PHACTR1: variants seen among roughly 807,000 people sequenced by gnomAD.
The protein encoded by PHACTR1 is RPEL repeat containing 1.
A neutral mutation model predicts 69.2 loss-of-function variants in PHACTR1; 16 were observed. The ratio of observed to expected loss-of-function variants is 0.23; its 90% CI spans 0.16 to 0.35. PHACTR1 has a LOEUF of 0.35. Among genes scored for constraint, PHACTR1 ranks in the 10% least tolerant of loss-of-function variants. The probability of loss-of-function intolerance (pLI) is 1.00; values close to 1 mark genes in which losing one functional copy is unlikely to be tolerated. For missense variants in PHACTR1, 510 were observed against 734.7 expected, an observed-to-expected ratio of 0.69 and a Z score of 3.54; for synonymous variants, 312 against 284.5, an observed-to-expected ratio of 1.10 and a Z score of -0.97.
At chr6:12,801,402 G>GTA (rs1292827507) in intron 4 of PHACTR1, among the ~76,000 whole-genome samples, 1 of 152,148 alleles carries the variant, frequency 6.6e-6, no homozygotes. Flanking sequence ...ACCCAACTAT[G>GTA]TATGGCTTGG....
intron 4 of PHACTR1, among the ~76,000 whole-genome samples, chr6:12,832,170 C>A (rs1777653257): frequency 1.3e-5 from 2 of 152,094 alleles, no homozygotes; most frequent in African/African-American, 4.8e-5. Flanking sequence ...AGGTGATGCT[C>A]ATCTCTATCA....
intron 4 of PHACTR1, among the ~76,000 whole-genome samples, chr6:12,945,056 A>G (rs1790525517): frequency 6.6e-6 from 1 of 152,158 alleles, no homozygotes; most frequent in Non-Finnish European, 1.5e-5. Flanking sequence ...TGCTGGGATT[A>G]CAGGCATGAG....
intron 4 of PHACTR1, among the ~76,000 whole-genome samples, chr6:12,842,048 A>T (rs1204629744): frequency 1.3e-5 from 2 of 152,204 alleles, no homozygotes; most frequent in Non-Finnish European, 2.9e-5. Flanking sequence ...ATTCATTCTA[A>T]GACAACTGTT....
intron 6 of PHACTR1, among the ~76,000 whole-genome samples, chr6:13,173,685 C>T (rs1449633369): frequency 6.6e-6 from 1 of 152,186 alleles, no homozygotes; most frequent in Non-Finnish European, 1.5e-5. Context: ...GCTTTCAGAG[C>T]TCTGCATCTT....
chr6:13,090,806 G>T (rs753346478), intron 5 of PHACTR1, among the ~76,000 whole-genome samples: 1 of 152,108 alleles, frequency 6.6e-6, no homozygotes, highest in Non-Finnish European at 1.5e-5. Context: ...CTAGGGCAGC[G>T]GTCCCAAGCC....
In PHACTR1 at chr6:13,103,754, T is replaced by C. The variant is rs541488755; in HGVS notation, c.415+50225T>C. On this transcript the variant is annotated intron_variant, in intron 5 of 14. Transcript: ENST00000332995. ...GTGATCAAGAGCAGGATCTTAACAT[T>C]GGTGCCATATTATCAACTACAGCAT... 8.3e-4 allele frequency among the ~76,000 whole-genome samples: 126 copies of C among 152,346 alleles called. 1 individual carries two copies. Among genetic ancestry groups the C allele is most frequent in the Middle Eastern group, 3.4e-3 (1 of 294 alleles).
At chr6:13,140,402 G>T (rs1167784543) in intron 5 of PHACTR1, among the ~76,000 whole-genome samples, 5 of 152,078 alleles carry the variant, frequency 3.3e-5, no homozygotes, top group African/African-American at 1.2e-4. Flanking sequence ...ATTGACAGAT[G>T]AATGGATTTT....
chr6:12,734,247 G>T (rs1276274417), intron 3 of PHACTR1, among the ~76,000 whole-genome samples: 2 of 152,168 alleles, frequency 1.3e-5, no homozygotes, highest in Non-Finnish European at 2.9e-5. Context: ...GGAAACCAAA[G>T]CTTGGAGAGC....
At chr6:13,285,872 C>T (rs746696947) in intron 13 of PHACTR1, among the ~76,000 whole-genome samples, 15 of 152,182 alleles carry the variant, frequency 9.9e-5, no homozygotes, top group Non-Finnish European at 1.5e-4. Context: ...TACACCACCA[C>T]TGATGCCTCA....
At chr6:13,052,941 T>A (rs1806173418) in intron 4 of PHACTR1, among the ~76,000 whole-genome samples, 1 of 152,174 alleles carries the variant, frequency 6.6e-6, no homozygotes, top group Admixed American at 6.5e-5. Context: ...AGTTGATAAA[T>A]GTTTTCTCCC....
At chr6:13,124,313 C>T (rs924250105) in intron 5 of PHACTR1, among the ~76,000 whole-genome samples, 3 of 152,168 alleles carry the variant, frequency 2.0e-5, no homozygotes, top group Admixed American at 1.3e-4. Context: ...GGGCTCATGT[C>T]ACTGAAGGCT....
intron 4 of PHACTR1, among the ~76,000 whole-genome samples, chr6:12,825,294 C>G (rs1013266467): frequency 6.9e-6 from 1 of 144,322 alleles, no homozygotes; most frequent in Non-Finnish European, 1.5e-5. Context: ...GCCTGGGCAA[C>G]AGAACAAAAC....
chr6:13,269,732 G>A (rs2127441070), intron 10 of PHACTR1, among the ~76,000 whole-genome samples: 1 of 152,310 alleles, frequency 6.6e-6, no homozygotes, highest in South Asian at 2.1e-4. Flanking sequence ...TACTCAGGAG[G>A]CTGAGGCAGG....
At chr6:13,256,011 A>T (rs1450905317) in intron 10 of PHACTR1, among the ~76,000 whole-genome samples, 5 of 152,210 alleles carry the variant, frequency 3.3e-5, no homozygotes, top group African/African-American at 1.2e-4. Context: ...GAGGTTCTCC[A>T]TGAGGGCTCT....
At position 13,269,704 on chromosome 6, in the gene PHACTR1, C is replaced by G. The variant is rs191757542; in HGVS notation, c.1392-3156C>G. ...AAAACTAGCACGGGGCATGGTGGCA[C>G]GCACCTGTAATCCCAGCTACTCAGG... is the stretch of plus-strand genomic sequence containing the variant. On this transcript the variant is annotated intron_variant, in intron 10 of 14. Coordinates refer to ENST00000332995, the MANE Select transcript of PHACTR1 (RefSeq NM_030948.6). Among the ~76,000 whole-genome samples, 21 of 152,122 alleles carry G rather than the reference C, an allele frequency of 1.4e-4. No individual in the cohort carries two copies. The East Asian group carries it at 3.5e-3, about 25-fold the overall frequency.
intron 4 of PHACTR1, among the ~76,000 whole-genome samples, chr6:12,860,790 G>A (rs757900228): frequency 6.6e-6 from 1 of 152,158 alleles, no homozygotes. Flanking sequence ...CCACATAAAT[G>A]TCTTCTTTTG....
chr6:12,765,146 A>C (rs1166883588), intron 4 of PHACTR1, among the ~76,000 whole-genome samples: 1 of 152,214 alleles, frequency 6.6e-6, no homozygotes, highest in Non-Finnish European at 1.5e-5. Flanking sequence ...AAGAAGGCTC[A>C]GTTTTGTTTA....
At chr6:12,775,827 T>C (rs1444562974) in intron 4 of PHACTR1, among the ~76,000 whole-genome samples, 1 of 152,202 alleles carries the variant, frequency 6.6e-6, no homozygotes, top group Non-Finnish European at 1.5e-5. Context: ...AGAAGACAAA[T>C]TATCAACCAT....
chr6:12,872,378 T>C (rs923080284), intron 4 of PHACTR1, among the ~76,000 whole-genome samples: 1 of 152,182 alleles, frequency 6.6e-6, no homozygotes, highest in East Asian at 1.9e-4. Context: ...TTAACTCTAC[T>C]CTTACTGGAT....
Sources: gnomAD v4.1 joint callset for allele counts (sites outside exome capture counted in the v4.1 genomes callset) on GRCh38, gnomAD v4.1.1 for gene constraint, MANE v1.5 for transcripts, NCBI Gene and HGNC (gene_info 2026-07-23, HGNC 2026-07-21) for gene names.